LFNG: variants seen among roughly 807,000 people sequenced by gnomAD.
The protein encoded by LFNG is LFNG O-fucosylpeptide 3-beta-N-acetylglucosaminyltransferase.
A neutral mutation model predicts 32.7 loss-of-function variants in LFNG; 15 were observed. That is an observed-to-expected ratio of 0.46 (90% CI 0.31 to 0.71). The LOEUF (loss-of-function observed/expected upper bound fraction) is 0.71. Among genes scored for constraint, LFNG ranks in the 30% least tolerant of loss-of-function variants. The pLI is 0.06. For synonymous variants in LFNG, 274 were observed against 246.8 expected (o/e 1.11, Z -1.03); for missense variants, 520 against 545.7 (o/e 0.95, Z 0.47).
At chr7:2,525,100 C>A in intron 2 of LFNG, 119 bp from the exon 3 acceptor site, 2 of 914,762 alleles carry the variant, frequency 2.2e-6, no homozygotes, top group Non-Finnish European at 3.4e-6. Context: ...CTACGGCCGC[C>A]GGGCCCAGCT....
Position 2,519,966 on chromosome 7 carries a change from C to G in LFNG, c.105C>G (p.Ala35=). 1 of 985,882 alleles carries G rather than the reference C, an allele frequency of 1.0e-6. No homozygotes were observed. Among genetic ancestry groups the G allele is most frequent in the Non-Finnish European group, 1.2e-6 (1 of 832,014 alleles). The allele number at this position is 985,882 out of a possible 1,614,324, so 61.1% of individuals were successfully genotyped here. A position where few individuals can be genotyped will look rare whatever the true frequency, so the allele number is the denominator to read the frequency against. Reference sequence around the variant, plus strand: ...ACCCGCCGCCGCCTCCACTGCCCGCCGAGCGCGGCCGGCGCGCGCTGCGCA... The same window carrying G: ...ACCCGCCGCCGCCTCCACTGCCCGCGGAGCGCGGCCGGCGCGCGCTGCGCA... ...TADPPPPPLP[A]ERGRRALRSL... is the part of the protein sequence containing the mutation. Residue 35 remains alanine (A), a synonymous_variant, in exon 1 of 8, where the codon GCC becomes GCG. Transcript: ENST00000222725.
upstream of LFNG, chr7:2,518,650 G>A (rs1325398147): frequency 4.4e-5 from 70 of 1,600,304 alleles, no homozygotes; most frequent in Middle Eastern, 1.7e-4. Flanking sequence ...GCCATCTCAG[G>A]CGTGAACATA....
intron 4 of LFNG, 29 bp downstream of exon 4, chr7:2,525,596 C>T (rs377356021): frequency 7.1e-5 from 114 of 1,611,952 alleles, no homozygotes; most frequent in African/African-American, 2.5e-4. Context: ...CAGTCCCCCA[C>T]GCCCACGCGG....
intron 1 of LFNG, among the ~76,000 whole-genome samples, chr7:2,523,110 C>T (rs970279764): frequency 2.0e-5 from 3 of 152,234 alleles, no homozygotes; most frequent in Admixed American, 1.3e-4. Context: ...CACCAAATCT[C>T]GGGAGAACAG....
chr7:2,524,729 TG>T lies in LFNG; in HGVS notation c.469del (p.Ala157ProfsTer111). On this transcript the variant is annotated frameshift_variant, in exon 2 of 8. Coordinates refer to ENST00000222725, the MANE Select transcript of LFNG (RefSeq NM_001040167.2). LOFTEE classifies it high-confidence loss of function. ...TTCACTGACGGGGAAGATGAGGCCC[TG>T]GCCAGGCACACGGGTGAGCCCTGGA... ...FIFTDGEDEA[L>X]ARHTGNVVIT... is the part of the protein sequence containing the mutation. The T allele has an allele frequency of 6.3e-7, 1 of 1,590,642 alleles. No homozygotes were observed. Among genetic ancestry groups the T allele is most frequent in the Non-Finnish European group, 8.6e-7 (1 of 1,168,740 alleles).
upstream of LFNG, among the ~76,000 whole-genome samples, chr7:2,514,960 A>C (rs534956511): frequency 2.4e-4 from 37 of 151,356 alleles, no homozygotes; most frequent in Middle Eastern, 3.5e-3. Context: ...CCATTCATCC[A>C]TCTATCCATC....
chr7:2,525,705 T>G lies in LFNG; in HGVS notation c.756T>G (p.Phe252Leu). 1 of 1,613,190 alleles carries G rather than the reference T, an allele frequency of 6.2e-7. No homozygotes were observed. The highest frequency in any genetic ancestry group is 8.5e-7 in the Non-Finnish European group (1 of 1,180,004). ...CCCAGCGTCCTGTCCACTTCTGGTT[T>G]GCCACGGGCGGCGCTGGCTTCTGCA... ...ENKVRPVHFWFATGGAGFCIS... is the reference protein window; with the variant it reads ...ENKVRPVHFWLATGGAGFCIS... Residue 252 changes from phenylalanine (F) to leucine (L), a missense_variant, in exon 5 of 8, where the codon TTT becomes TTG. By Grantham distance (22) the Phe-to-Leu change is conservative (BLOSUM62 0). Around this residue, in one of 3 missense-constraint regions of LFNG, gnomAD observed 10 missense variants for 31.1 expected, o/e 0.32. Transcript: ENST00000222725.
upstream of LFNG, among the ~76,000 whole-genome samples, chr7:2,514,844 A>ATTCATCTG (rs1779579552): frequency 5.5e-5 from 8 of 146,698 alleles, no homozygotes; most frequent in South Asian, 2.2e-4. Context: ...CCATCCATCC[A>ATTCATCTG]TCCATCCATT....
chr7:2,524,845 G>A (rs1583275723), intron 2 of LFNG, 102 bp downstream of exon 2: 1 of 1,112,924 alleles, frequency 9.0e-7, no homozygotes. Context: ...GGTCACCAAG[G>A]GCAGGACAGG....
chr7:2,516,677 C>G (rs1365168150), upstream of LFNG, among the ~76,000 whole-genome samples: 1 of 152,216 alleles, frequency 6.6e-6, no homozygotes, highest in African/African-American at 2.4e-5. Context: ...CCTCAGCAGG[C>G]AGGTCTCTCG....
At chr7:2,529,108 C>A, downstream of LFNG, 1 of 387,136 alleles carries the variant, frequency 2.6e-6, no homozygotes, top group Admixed American at 4.4e-5. This position sits in a 1 kb window ranked among gnomAD's most constrained non-coding sequence, Gnocchi z 4.2. Context: ...CAGCTGGTCC[C>A]AGCCCCTGCA....
chr7:2,517,433 C>A (rs1779655677), upstream of LFNG, among the ~76,000 whole-genome samples: 1 of 152,086 alleles, frequency 6.6e-6, no homozygotes, highest in Non-Finnish European at 1.5e-5. Context: ...TGTGCCCCTG[C>A]CAGGCTGGGC....
chr7:2,518,159 C>T (rs919346510), upstream of LFNG, among the ~76,000 whole-genome samples: 2 of 152,180 alleles, frequency 1.3e-5, no homozygotes, highest in African/African-American at 4.8e-5. Flanking sequence ...GCAGCCAACC[C>T]AGTCACTGGG....
chr7:2,520,102 C>T lies in LFNG; in HGVS notation c.241C>T (p.Leu81Phe). Residue 81 changes from leucine (L) to phenylalanine (F), a missense_variant, in exon 1 of 8, where the codon CTC (leucine) becomes TTC (phenylalanine). Physicochemically the swap from Leu to Phe is conservative, Grantham distance 22. Around this residue, in one of 3 missense-constraint regions of LFNG, gnomAD observed 360 missense variants for 354.7 expected, o/e 1.01. Transcript: ENST00000222725. The surrounding 1 kb of genome is among the most constrained non-coding windows in gnomAD (Gnocchi z 5.0). ...VHSLSEYFSL[L>F]TRARRDAGPP... ...CAGTCTGTCCGAGTACTTCAGCCTG[C>T]TCACCCGCGCGCGCAGAGATGCGGG... 7.4e-7 allele frequency: 1 copy of T among 1,344,108 alleles called. No homozygotes were observed. The highest frequency in any genetic ancestry group is 2.5e-4 in the Middle Eastern group (1 of 4,034). 83.3% of individuals were successfully genotyped at this position (1,344,108 alleles called of 1,614,324 possible).
chr7:2,518,622 A>G, upstream of LFNG: 1 of 1,608,450 alleles, frequency 6.2e-7, no homozygotes. Context: ...CTCCAAGGGC[A>G]CTTAAAGAAT....
rs982630142 is a variant in LFNG at position 2,520,595 on chromosome 7, G to A, written c.432+302G>A. On this transcript the variant is annotated intron_variant, in intron 1 of 7. Coordinates refer to ENST00000222725, the MANE Select transcript of LFNG (RefSeq NM_001040167.2). This position sits in a 1 kb window ranked among gnomAD's most constrained non-coding sequence, Gnocchi z 5.0. ...GGTGCCCTGTGATACTTCTCACCCC[G>A]TAAACATTGGAGCGCATTCATAGGG... is the stretch of plus-strand genomic sequence containing the variant. 6.6e-5 allele frequency among the ~76,000 whole-genome samples: 10 copies of A among 152,232 alleles called. No individual in the cohort carries two copies. Among genetic ancestry groups the A allele is most frequent in the African/African-American group, 2.4e-4 (10 of 41,460 alleles).
intron 1 of LFNG, among the ~76,000 whole-genome samples, chr7:2,521,411 C>T (rs1302401099): frequency 6.6e-6 from 1 of 152,228 alleles, no homozygotes; most frequent in Admixed American, 6.5e-5. Flanking sequence ...GCTCTCACGC[C>T]GGCCCCTTGG....
intron 1 of LFNG, chr7:2,512,756 G>A (rs1583266528): frequency 6.4e-7 from 1 of 1,556,474 alleles, no homozygotes; most frequent in East Asian, 2.2e-5. Flanking sequence ...CGTCCCTCTT[G>A]CTCGTGAACC....
At chr7:2,513,788 G>A (rs950639874), upstream of LFNG, among the ~76,000 whole-genome samples, 2 of 152,234 alleles carry the variant, frequency 1.3e-5, no homozygotes, top group Non-Finnish European at 2.9e-5. Context: ...ACGTCAGTAA[G>A]TGGATCCTGG....
Sources: allele counts gnomAD v4.1 joint callset (sites outside exome capture counted in the v4.1 genomes callset), GRCh38; gene constraint gnomAD v4.1.1; regional missense constraint gnomAD v4.1.1; non-coding constraint Gnocchi (gnomAD v3.1); transcripts MANE v1.5; gene names NCBI Gene and HGNC (gene_info 2026-07-23, HGNC 2026-07-21).